DDX60L: variants seen among roughly 807,000 people sequenced by gnomAD.
DDX60L encodes DExD/H-box 60 like.
Under a neutral mutation model 211.6 loss-of-function variants are expected in DDX60L, and 191 were observed. That is an observed-to-expected ratio of 0.90 (90% CI 0.80 to 1.02). DDX60L has a LOEUF of 1.02. Ranked by LOEUF, DDX60L falls within the 50% of genes least tolerant of loss-of-function variation. The pLI, the probability that DDX60L is intolerant of heterozygous loss-of-function variation, is 0.00. For synonymous variants in DDX60L, 706 were observed against 694.1 expected (o/e 1.02, Z -0.27); for missense variants, 2,007 against 1,984.1 (o/e 1.01, Z -0.22).
intron 10 of DDX60L, among the ~76,000 whole-genome samples, chr4:168,436,125 T>C (rs1294043443): frequency 6.6e-6 from 1 of 152,200 alleles, no homozygotes; most frequent in African/African-American, 2.4e-5. Context: ...ATTTCTCACT[T>C]AGGTGTGCTA....
chr4:168,451,598 G>A (rs1297569713), intron 8 of DDX60L, among the ~76,000 whole-genome samples: 1 of 152,110 alleles, frequency 6.6e-6, no homozygotes, highest in Non-Finnish European at 1.5e-5. Flanking sequence ...TCACTGGGGT[G>A]GTTTCCTCAC....
chr4:168,371,995 G>T (rs139245195), intron 35 of DDX60L, among the ~76,000 whole-genome samples: 8 of 152,248 alleles, frequency 5.3e-5, no homozygotes, highest in African/African-American at 1.9e-4. Context: ...CATGCCTCGG[G>T]AATGGGCAGC....
chr4:168,385,885 T>C (rs2029383), intron 29 of DDX60L, among the ~76,000 whole-genome samples: 139,724 of 151,974 alleles, frequency 0.92, 65,355 homozygotes, highest in East Asian at 1. Flanking sequence ...ACAAATGGAA[T>C]CTGCTCTAAA....
In DDX60L at chr4:168,430,605, A is replaced by G. The variant is rs1373252393; in HGVS notation, c.1550T>C (p.Leu517Pro). 1 of 1,577,960 alleles carries G rather than the reference A, an allele frequency of 6.3e-7. No homozygotes were observed. Among genetic ancestry groups the G allele is most frequent in the Admixed American group, 1.9e-5 (1 of 53,790 alleles). The stretch of plus-strand genomic sequence containing the variant: ...TTGCTGATAATCCTGAATCTTTTTC[A>G]GGAAATCAAGAACATGAGGATCTCT... ...QSRDPHVLDF[L>P]KKIQDYQQFY... is the part of the protein sequence containing the mutation. Residue 517 changes from leucine (L) to proline (P), a missense_variant, in exon 13 of 38, where the codon CTG (leucine) becomes CCG (proline). Transcript: ENST00000682922.
rs375382515 is a variant in DDX60L at position 168,379,346 on chromosome 4, A to T, written c.4363+17T>A. ...ATGTTGCCATTTTTCGACTACAGGTATAAAACCCAAGCTTACCTTTCCAGG... is the reference window on the plus strand; with the variant it reads ...ATGTTGCCATTTTTCGACTACAGGTTTAAAACCCAAGCTTACCTTTCCAGG... On this transcript the variant is annotated intron_variant, in intron 32 of 37. Transcript: ENST00000682922. The T allele has an allele frequency of 3.9e-6, 6 of 1,537,248 alleles. No individual in the cohort carries two copies. In the African/African-American group the frequency reaches 8.5e-5, roughly 22 times the overall value.
chr4:168,458,617 C>T (rs981131459), intron 5 of DDX60L, among the ~76,000 whole-genome samples: 3 of 151,998 alleles, frequency 2.0e-5, no homozygotes, highest in Admixed American at 1.3e-4. Flanking sequence ...AACACATGGA[C>T]ACAGGGAAAG....
Position 168,441,329 on chromosome 4 carries a change from T to C in DDX60L, c.1294+8A>G. 6.3e-7 allele frequency: 1 copy of C among 1,597,858 alleles called. No homozygotes were observed. Among genetic ancestry groups the C allele is most frequent in the Non-Finnish European group, 8.5e-7 (1 of 1,172,198 alleles). On this transcript the variant is annotated splice_region_variant and intron_variant, in intron 10 of 37. Coordinates refer to ENST00000682922, the MANE Select transcript of DDX60L (RefSeq NM_001012967.3). ...CTTTTGTTCCACTTTAATTTACCCATTTAGTACCTTGAATGACCGATTTCT... is the reference window on the plus strand; with the variant it reads ...CTTTTGTTCCACTTTAATTTACCCACTTAGTACCTTGAATGACCGATTTCT...
In DDX60L at chr4:168,420,395, A is replaced by G; in HGVS notation, c.2395-15T>C. ...CCAACAAGGGACTGATTGACAAGAAAAAAAACCATTAGTCACTTAGTAGAG... is the reference window on the plus strand; with the variant it reads ...CCAACAAGGGACTGATTGACAAGAAGAAAAACCATTAGTCACTTAGTAGAG... On this transcript the variant is annotated splice_polypyrimidine_tract_variant and intron_variant, in intron 17 of 37. Transcript: ENST00000682922. 6.2e-7 allele frequency: 1 copy of G among 1,600,906 alleles called. No homozygotes were observed. The highest frequency in any genetic ancestry group is 2.2e-5 in the East Asian group (1 of 44,720).
chr4:168,370,321 A>G (rs1338184697), intron 36 of DDX60L, among the ~76,000 whole-genome samples: 1 of 152,210 alleles, frequency 6.6e-6, no homozygotes, highest in Non-Finnish European at 1.5e-5. Flanking sequence ...ATCCAGAGAC[A>G]GAAAGAAAAA....
intron 13 of DDX60L, among the ~76,000 whole-genome samples, chr4:168,428,416 A>G (rs1199653270): frequency 6.6e-6 from 1 of 152,148 alleles, no homozygotes; most frequent in Non-Finnish European, 1.5e-5. Context: ...TAATGAATTG[A>G]CGGTCTGGCA....
At chr4:168,475,992 T>G (rs1223676063) in intron 1 of DDX60L, 2 of 147,066 alleles carry the variant, frequency 1.4e-5, no homozygotes, top group South Asian at 2.2e-4. Flanking sequence ...AAGAGAGCCC[T>G]CACCTCACCA....
Position 168,441,348 on chromosome 4 carries a change from G to A in DDX60L, c.1283C>T (p.Ser428Leu), listed in dbSNP as rs377140092. The A allele has an allele frequency of 4.5e-5, 72 of 1,605,442 alleles. No individual in the cohort carries two copies. The highest frequency in any genetic ancestry group is 3.3e-4 in the Middle Eastern group (2 of 6,040). ...TACCCATTTAGTACCTTGAATGACC[G>A]ATTTCTCTTGTCTAAGAAAATGTCT... is the stretch of plus-strand genomic sequence containing the variant. ...TRRHFLRQEKSVIQEISLEKM... is the reference protein window; with the variant it reads ...TRRHFLRQEKLVIQEISLEKM... Residue 428 changes from serine to leucine, a missense_variant, in exon 10 of 38, where the codon TCG becomes TTG. Transcript: ENST00000682922.
chr4:168,376,010 C>T (rs1004611215), intron 33 of DDX60L, among the ~76,000 whole-genome samples: 2 of 152,096 alleles, frequency 1.3e-5, no homozygotes, highest in African/African-American at 4.8e-5. Flanking sequence ...GGGAGCTAAC[C>T]CTCACAGAGG....
At chr4:168,403,949 T>TG in intron 25 of DDX60L, 33 bp downstream of exon 25, 1 of 1,340,636 alleles carries the variant, frequency 7.5e-7, no homozygotes, top group Non-Finnish European at 1.0e-6. Context: ...TTCTCACATA[T>TG]AAACAAAGAT....
intron 22 of DDX60L, among the ~76,000 whole-genome samples, chr4:168,410,728 T>A (rs951099030): frequency 6.6e-6 from 1 of 152,162 alleles, no homozygotes; most frequent in Non-Finnish European, 1.5e-5. Context: ...GTGCCTCAAG[T>A]GAGATCTCCG....
intron 13 of DDX60L, 76 bp from the exon 14 acceptor site, chr4:168,427,398 T>G: frequency 2.0e-6 from 3 of 1,496,786 alleles, no homozygotes; most frequent in Non-Finnish European, 2.7e-6. Context: ...AGATTATTTT[T>G]TGTGCACTTA....
In DDX60L at chr4:168,402,332, T is replaced by A. The variant is rs997883362; in HGVS notation, c.3339-1354A>T. On this transcript the variant is annotated intron_variant, in intron 25 of 37. Coordinates refer to ENST00000682922, the MANE Select transcript of DDX60L (RefSeq NM_001012967.3). Reference sequence around the variant, plus strand: ...ACTCTAAATGACAGCATTAAATGATTCTTCTTACTGCTTTAACACAAACAA... The same window carrying A: ...ACTCTAAATGACAGCATTAAATGATACTTCTTACTGCTTTAACACAAACAA... Among the ~76,000 whole-genome samples, 23 of 152,116 alleles carry A rather than the reference T, an allele frequency of 1.5e-4. 1 individual carries two copies. The highest frequency in any genetic ancestry group is 1.5e-3 in the Admixed American group (23 of 15,268).
intron 14 of DDX60L, 90 bp downstream of exon 14, chr4:168,426,980 G>GT: frequency 7.5e-7 from 1 of 1,340,972 alleles, no homozygotes; most frequent in Non-Finnish European, 1.0e-6. Flanking sequence ...ATTATACAAA[G>GT]TTTTAGCACA....
intron 14 of DDX60L, among the ~76,000 whole-genome samples, chr4:168,424,292 T>A (rs1579553973): frequency 3.9e-5 from 6 of 152,340 alleles, no homozygotes; most frequent in Admixed American, 3.9e-4. Flanking sequence ...ACAACCTCAC[T>A]GCATCCCAAT....
Sources: allele counts gnomAD v4.1 joint callset (sites outside exome capture counted in the v4.1 genomes callset), GRCh38; gene constraint gnomAD v4.1.1; transcripts MANE v1.5; gene names NCBI Gene and HGNC (gene_info 2026-07-23, HGNC 2026-07-21).